Variants in IL17RC observed in about 807,000 individuals in gnomAD.
IL17RC encodes the protein interleukin 17 receptor C, also known as interleukin-17 receptor C.
IL17RC carries 53 observed loss-of-function variants against 86.7 expected under a neutral mutation model. The observed-to-expected ratio is 0.61, with a 90% CI of 0.49 to 0.77. IL17RC has a LOEUF of 0.77. Among genes scored for constraint, IL17RC ranks in the 30% least tolerant of loss-of-function variants. The probability of loss-of-function intolerance (pLI) is 0.00; values close to 1 mark genes in which losing one functional copy is unlikely to be tolerated. For missense variants in IL17RC, 957 were observed against 940.0 expected, an observed-to-expected ratio of 1.02 and a Z score of -0.24; for synonymous variants, 439 against 413.1, an observed-to-expected ratio of 1.06 and a Z score of -0.76.
At chr3:9,919,937 T>C (rs191799810) in intron 5 of IL17RC, among the ~76,000 whole-genome samples, 31 of 152,120 alleles carry the variant, frequency 2.0e-4, no homozygotes, top group African/African-American at 6.7e-4. Flanking sequence ...GTAAGTACCA[T>C]GGTGCAGGGT....
Position 9,917,269 on chromosome 3 carries a change from G to GC in IL17RC, c.-47_-46insC. On this transcript the variant is annotated 5_prime_UTR_variant, in exon 1 of 19. Transcript: ENST00000403601. ...CTGGGGTGTCTGCCCCCCTTGGGGG[G>GC]GGGCAGCACAGGGCCTCAGGCCTGG... 6.7e-7 allele frequency: 1 copy of GC among 1,501,294 alleles called. No individual in the cohort carries two copies. The highest frequency in any genetic ancestry group is 9.0e-7 in the Non-Finnish European group (1 of 1,109,302). The allele number at this position is 1,501,294 out of a possible 1,614,324, so 93.0% of individuals were successfully genotyped here.
At chr3:9,919,777 C>T (rs532176952) in intron 5 of IL17RC, among the ~76,000 whole-genome samples, 88 of 152,238 alleles carry the variant, frequency 5.8e-4, no homozygotes, top group African/African-American at 2.1e-3. Context: ...ATCCTCAAAA[C>T]TACCTGATGA....
chr3:9,923,704 C>T (rs1231019917), intron 7 of IL17RC, among the ~76,000 whole-genome samples, 177 bp from the exon 8 acceptor site: 1 of 152,074 alleles, frequency 6.6e-6, no homozygotes, highest in Non-Finnish European at 1.5e-5. Context: ...CTAGGGTCTC[C>T]ACGGGCTTGG....
At chr3:9,932,779 G>C (rs2084881936) in intron 17 of IL17RC, 41 bp from the exon 18 acceptor site, 1 of 1,585,470 alleles carries the variant, frequency 6.3e-7, no homozygotes, top group African/African-American at 1.4e-5. Flanking sequence ...GGAAAGCGGC[G>C]GCCGAGCTCA....
At chr3:9,931,243 A>G (rs1224203546) in intron 16 of IL17RC, among the ~76,000 whole-genome samples, 1 of 151,902 alleles carries the variant, frequency 6.6e-6, no homozygotes, top group Non-Finnish European at 1.5e-5. Context: ...AAATGCATAC[A>G]ATGTGGACCT....
In IL17RC at chr3:9,933,104, G is replaced by A. The variant is rs778126493; in HGVS notation, c.1674G>A (p.Gly558=). 1.2e-5 allele frequency: 19 copies of A among 1,576,742 alleles called. No homozygotes were observed. Among genetic ancestry groups the A allele is most frequent in the Non-Finnish European group, 1.6e-5 (19 of 1,167,260 alleles). The change falls in exon 19 of 19, where the codon GGG becomes GGA. Residue 558 remains glycine (G), a synonymous_variant. Coordinates refer to ENST00000403601, the MANE Select transcript of IL17RC (RefSeq NM_153460.4). The stretch of plus-strand genomic sequence containing the variant: ...GCCGTCGTGAACTGAGCGCGCAGGG[G>A]CCCGTGGCTTGGTTTCACGCGCAGC... The part of the protein sequence containing the change: ...LWSRRELSAQ[G]PVAWFHAQRR...
chr3:9,928,971 A>T (rs2084378756), intron 12 of IL17RC: 1 of 271,828 alleles, frequency 3.7e-6, no homozygotes, highest in African/African-American at 2.2e-5. Flanking sequence ...TTCTATTTCC[A>T]TACCTGTAGA....
chr3:9,928,739 T>C, intron 12 of IL17RC, 109 bp downstream of exon 12: 4 of 1,131,810 alleles, frequency 3.5e-6, no homozygotes, highest in Non-Finnish European at 5.2e-6. Context: ...GCCAGCTTCC[T>C]CTATGGGAGT....
Position 9,930,161 on chromosome 3 carries a change from G to A in IL17RC, c.1278+12G>A. 10 of 1,613,758 alleles carry A rather than the reference G, an allele frequency of 6.2e-6. No homozygotes were observed. The highest frequency in any genetic ancestry group is 8.5e-6 in the Non-Finnish European group (10 of 1,179,880). On this transcript the variant is annotated intron_variant, in intron 14 of 18. Transcript: ENST00000403601. The surrounding 1 kb of genome is among the most constrained non-coding windows in gnomAD (Gnocchi z 5.8). ...GCAAAGCCTCCACGGTTAGGACTGG[G>A]CGACCCTCCTCCACAGATCTCTCCA... is the stretch of plus-strand genomic sequence containing the variant.
chr3:9,925,206 C>T (rs1232242947), intron 9 of IL17RC, among the ~76,000 whole-genome samples: 6 of 88,298 alleles, frequency 6.8e-5, no homozygotes, highest in African/African-American at 1.4e-4. Context: ...AGCTGCTTCT[C>T]CTGGGTTCAC....
intron 9 of IL17RC, among the ~76,000 whole-genome samples, chr3:9,925,947 G>T (rs115690308): frequency 0.011 from 1,673 of 148,250 alleles, 30 homozygotes; most frequent in African/African-American, 0.039. Flanking sequence ...GCAGCCCCAA[G>T]CTCCCAGGTT....
chr3:9,928,951 G>A, intron 12 of IL17RC: 2 of 348,126 alleles, frequency 5.7e-6, no homozygotes, highest in Non-Finnish European at 1.0e-5. Flanking sequence ...TTTTATTATT[G>A]CTATCCTTAT....
Position 9,930,253 on chromosome 3 carries a change from G to A in IL17RC, c.1278+104G>A. 8 of 1,552,720 alleles carry A rather than the reference G, an allele frequency of 5.2e-6. No homozygotes were observed. The highest frequency in any genetic ancestry group is 2.3e-5 in the East Asian group (1 of 44,372). ...CCTGTGCCGGTCTCTGGGAACATGG[G>A]GGGTGACTCAGACCAGGGCCATATT... On this transcript the variant is annotated intron_variant, in intron 14 of 18. Coordinates refer to ENST00000403601, the MANE Select transcript of IL17RC (RefSeq NM_153460.4). This position sits in a 1 kb window ranked among gnomAD's most constrained non-coding sequence, Gnocchi z 5.8.
At chr3:9,929,707 C>T (rs1331338980) in intron 12 of IL17RC, 145 bp from the exon 13 acceptor site, 1 of 821,556 alleles carries the variant, frequency 1.2e-6, no homozygotes, top group Non-Finnish European at 2.1e-6. Context: ...TCCTAATCAC[C>T]CAGCCTTGAA....
At chr3:9,925,770 C>G (rs1453809481) in intron 9 of IL17RC, among the ~76,000 whole-genome samples, 1 of 152,138 alleles carries the variant, frequency 6.6e-6, no homozygotes. Context: ...AAAGCTTTTC[C>G]CCAACCACCC....
At chr3:9,921,335 G>T (rs1226556940) in intron 7 of IL17RC, among the ~76,000 whole-genome samples, 2 of 151,950 alleles carry the variant, frequency 1.3e-5, no homozygotes, top group African/African-American at 4.8e-5. Context: ...TGCATTTGTG[G>T]TCCCAGCTAC....
intron 16 of IL17RC, among the ~76,000 whole-genome samples, chr3:9,931,602 G>T (rs1205414307): frequency 6.6e-6 from 1 of 151,280 alleles, no homozygotes; most frequent in Non-Finnish European, 1.5e-5. Context: ...TGCCTCCCGG[G>T]TTCAAGCAAT....
rs757588753 is a variant in IL17RC at position 9,933,189 on chromosome 3, G to A, written c.1759G>A (p.Ala587Thr). ...VVLLFSPGAV[A>T]LCSEWLQDGV... ...CTTGCTCTTCTCTCCCGGTGCGGTGGCGCTGTGCAGCGAGTGGCTACAGGA... is the reference window on the plus strand; with the variant it reads ...CTTGCTCTTCTCTCCCGGTGCGGTGACGCTGTGCAGCGAGTGGCTACAGGA... Residue 587 changes from alanine to threonine, a missense_variant, in exon 19 of 19, where the codon GCG (alanine) becomes ACG (threonine). By Grantham distance (58) the Ala-to-Thr change is moderately conservative (BLOSUM62 0). Transcript: ENST00000403601. The A allele has an allele frequency of 1.9e-6, 3 of 1,608,060 alleles. No individual in the cohort carries two copies. In the South Asian group the frequency reaches 3.3e-5, roughly 18 times the overall value.
At chr3:9,920,643 C>T (rs1167787125) in intron 6 of IL17RC, 41 bp downstream of exon 6, 41 of 1,343,756 alleles carry the variant, frequency 3.1e-5, no homozygotes, top group Non-Finnish European at 4.2e-5. Context: ...GCCTCTGTCC[C>T]CTCTGGCCAT....
Sources: allele counts gnomAD v4.1 joint callset (sites outside exome capture counted in the v4.1 genomes callset), GRCh38; gene constraint gnomAD v4.1.1; non-coding constraint Gnocchi (gnomAD v3.1); transcripts MANE v1.5; gene names NCBI Gene and HGNC (gene_info 2026-07-23, HGNC 2026-07-21).